The following CNTN6 variants were observed in gnomAD, a reference collection of about 807,000 sequenced individuals.
The protein encoded by CNTN6 is contactin 6, also known as contactin-6.
CNTN6 carries 137 observed loss-of-function variants against 122.8 expected under a neutral mutation model. That is an observed-to-expected ratio of 1.12 (90% CI 0.97 to 1.29). The LOEUF (loss-of-function observed/expected upper bound fraction) is 1.29. CNTN6 is among the 50% of genes most tolerant of loss of function. The pLI, the probability that CNTN6 is intolerant of heterozygous loss-of-function variation, is 0.00. For missense variants in CNTN6, 1,634 were observed against 1,223.4 expected, an observed-to-expected ratio of 1.34 and a Z score of -5.01; for synonymous variants, 570 against 426.0, an observed-to-expected ratio of 1.34 and a Z score of -4.16.
chr3:1,147,892 C>G (rs75543035), intron 1 of CNTN6, 35 bp from the exon 2 acceptor site: 2 of 653,968 alleles, frequency 3.1e-6, no homozygotes, highest in Admixed American at 4.4e-5. Flanking sequence ...CGTGTTTGTA[C>G]GTTTTTCATT....
rs1329386391 is a variant in CNTN6, at chr3:1,384,683, TATATAC to T, written c.2518-926_2518-921del. Among the ~76,000 whole-genome samples the T allele has an allele frequency of 3.1e-3, 221 of 70,818 alleles. 3 individuals are homozygous for T. Among genetic ancestry groups the T allele is most frequent in the Middle Eastern group, 7.0e-3 (1 of 142 alleles). The allele number at this position is 70,818 out of a possible 152,430, so 46.5% of individuals were successfully genotyped here. The stretch of plus-strand genomic sequence containing the variant: ...AATTTTGCCTATATATATATATATA[TATATAC>T]ACACACACACACGTATACATATACA... On this transcript the variant is annotated intron_variant, in intron 19 of 22. Transcript: ENST00000446702.
chr3:1,298,901 C>G (rs1450854918), intron 7 of CNTN6, among the ~76,000 whole-genome samples: 2 of 152,138 alleles, frequency 1.3e-5, no homozygotes, highest in Admixed American at 6.5e-5. Flanking sequence ...AATCCAAAGT[C>G]TATTCCTAAT....
chr3:1,277,287 G>C (rs1317735829), intron 4 of CNTN6, among the ~76,000 whole-genome samples: 1 of 132,904 alleles, frequency 7.5e-6, no homozygotes, highest in Non-Finnish European at 1.6e-5. Context: ...CTGTTTTATT[G>C]TTTTATTCAC....
In CNTN6 at chr3:1,147,931, T is replaced by G; in HGVS notation, c.-78T>G. The G allele has an allele frequency of 9.8e-7, 1 of 1,022,310 alleles. No homozygotes were observed. Among genetic ancestry groups the G allele is most frequent in the Non-Finnish European group, 1.5e-6 (1 of 651,254 alleles). 63.3% of individuals were successfully genotyped at this position (1,022,310 alleles called of 1,614,324 possible). A position where few individuals can be genotyped will look rare whatever the true frequency, so the allele number is the denominator to read the frequency against. The stretch of plus-strand genomic sequence containing the variant: ...TGACAATTTTGTCTTTTTCAGACTC[T>G]TGAGATACTGACTGGAAGATAGACT... On this transcript the variant is annotated 5_prime_UTR_variant, in exon 2 of 23. Transcript: ENST00000446702.
intron 20 of CNTN6, among the ~76,000 whole-genome samples, chr3:1,386,741 TAGTTGCTGA>T (rs2126199413): frequency 6.6e-6 from 1 of 152,310 alleles, no homozygotes; most frequent in African/African-American, 2.4e-5. Flanking sequence ...ATAACAAATA[TAGTTGCTGA>T]ATTTTGAGAA....
chr3:1,115,189 T>A (rs958618289), intron 1 of CNTN6, among the ~76,000 whole-genome samples: 1 of 152,160 alleles, frequency 6.6e-6, no homozygotes, highest in African/African-American at 2.4e-5. Context: ...TAAATACCCA[T>A]GTTTAGAAAT....
intron 5 of CNTN6, among the ~76,000 whole-genome samples, chr3:1,289,717 C>G (rs1380847610): frequency 1.3e-5 from 2 of 149,732 alleles, no homozygotes; most frequent in Non-Finnish European, 3.0e-5. Context: ...CTCTGTGGCC[C>G]AGGCTGGAGG....
intron 2 of CNTN6, among the ~76,000 whole-genome samples, chr3:1,206,520 C>T (rs532072847): frequency 1.4e-4 from 21 of 152,278 alleles, no homozygotes; most frequent in African/African-American, 4.8e-4. Flanking sequence ...TCTTATGCAA[C>T]TGCATCATGC....
intron 2 of CNTN6, among the ~76,000 whole-genome samples, chr3:1,154,448 C>CTTTTTTTTTTTTTTTTTTTTTTTTTT (rs771133835): frequency 7.1e-6 from 1 of 140,478 alleles, no homozygotes. Flanking sequence ...TCTTTTCTTT[C>CTTTTTTTTTTTTTTTTTTTTTTTTTT]TTTTTTTTTT....
chr3:1,161,195 T>C (rs1384579947), intron 2 of CNTN6, among the ~76,000 whole-genome samples: 6 of 151,012 alleles, frequency 4.0e-5, no homozygotes, highest in African/African-American at 1.5e-4. Flanking sequence ...TGGATATAAT[T>C]TGTATGACAG....
chr3:1,315,306 A>T (rs1699939199), intron 7 of CNTN6, among the ~76,000 whole-genome samples: 1 of 152,052 alleles, frequency 6.6e-6, no homozygotes, highest in Non-Finnish European at 1.5e-5. Flanking sequence ...AACTACACAG[A>T]GTCTAAAAAG....
At chr3:1,185,361 A>G (rs2093614085) in intron 2 of CNTN6, among the ~76,000 whole-genome samples, 1 of 152,218 alleles carries the variant, frequency 6.6e-6, no homozygotes, top group Admixed American at 6.5e-5. Flanking sequence ...AAATATGTGA[A>G]GAGAAAAAAT....
intron 4 of CNTN6, among the ~76,000 whole-genome samples, chr3:1,244,631 G>A (rs1261302037): frequency 6.6e-6 from 1 of 152,220 alleles, no homozygotes; most frequent in African/African-American, 2.4e-5. Flanking sequence ...TTTCATGCGT[G>A]TCTGTGTGAA....
chr3:1,254,049 A>G (rs982133374), intron 4 of CNTN6, among the ~76,000 whole-genome samples: 1 of 152,194 alleles, frequency 6.6e-6, no homozygotes, highest in African/African-American at 2.4e-5. Context: ...GTTATAAAAA[A>G]TTTCAAACAT....
At chr3:1,158,650 G>A (rs2093031613) in intron 2 of CNTN6, among the ~76,000 whole-genome samples, 1 of 151,144 alleles carries the variant, frequency 6.6e-6, no homozygotes, top group Admixed American at 6.6e-5. Context: ...ATAGCTCACT[G>A]CACCCTCAAA....
intron 20 of CNTN6, among the ~76,000 whole-genome samples, chr3:1,395,544 C>T (rs1694880935): frequency 6.6e-6 from 1 of 152,084 alleles, no homozygotes; most frequent in Admixed American, 6.5e-5. Flanking sequence ...CTTCTGTCAT[C>T]ACAACTCCTC....
intron 4 of CNTN6, among the ~76,000 whole-genome samples, chr3:1,237,052 G>A (rs2125589225): frequency 6.6e-6 from 1 of 151,944 alleles, no homozygotes; most frequent in East Asian, 1.9e-4. Flanking sequence ...CTGCACTCCA[G>A]CCTGGGCAAC....
At chr3:1,159,478 T>A (rs557982136) in intron 2 of CNTN6, among the ~76,000 whole-genome samples, 2 of 152,108 alleles carry the variant, frequency 1.3e-5, no homozygotes, top group Non-Finnish European at 2.9e-5. Context: ...TAGCGTTTAA[T>A]ATTTTTGGAC....
intron 2 of CNTN6, among the ~76,000 whole-genome samples, chr3:1,160,259 G>A (rs1354377618): frequency 1.3e-5 from 2 of 150,862 alleles, no homozygotes; most frequent in East Asian, 3.9e-4. Flanking sequence ...AACCATGGCT[G>A]GATCCCAGAA....
Sources: gnomAD v4.1 joint callset for allele counts (sites outside exome capture counted in the v4.1 genomes callset) on GRCh38, gnomAD v4.1.1 for gene constraint, MANE v1.5 for transcripts, NCBI Gene and HGNC (gene_info 2026-07-23, HGNC 2026-07-21) for gene names.